KBTBD11: variants seen among roughly 807,000 people sequenced by gnomAD.
The protein encoded by KBTBD11 is kelch repeat and BTB domain-containing protein 11.
For synonymous variants in KBTBD11, 747 were observed against 499.0 expected, an observed-to-expected ratio of 1.50 and a Z score of -6.63; for missense variants, 1,390 against 1,001.8, an observed-to-expected ratio of 1.39 and a Z score of -5.23.
chr8:1,985,681 A>C (rs564163597), intron 1 of KBTBD11, among the ~76,000 whole-genome samples: 1 of 152,270 alleles, frequency 6.6e-6, no homozygotes. Context: ...TATGTTGGCC[A>C]GGTGCATTGG....
At chr8:1,974,605 A>C (rs1816259271) in intron 1 of KBTBD11, 2 of 982,992 alleles carry the variant, frequency 2.0e-6, no homozygotes, top group Admixed American at 6.2e-5. Flanking sequence ...ACCGCGACCC[A>C]CCCGCCCCAC....
At chr8:1,984,318 T>C (rs1340855220) in intron 1 of KBTBD11, among the ~76,000 whole-genome samples, 3 of 142,020 alleles carry the variant, frequency 2.1e-5, no homozygotes, top group African/African-American at 5.4e-5. Flanking sequence ...AGACAGAGTC[T>C]TGCACTTTCA....
At chr8:1,998,836 G>A (rs951318909) in intron 1 of KBTBD11, among the ~76,000 whole-genome samples, 17 of 152,230 alleles carry the variant, frequency 1.1e-4, no homozygotes, top group Admixed American at 2.0e-4. Flanking sequence ...CAGGGCTGGT[G>A]CCCTTCACCG....
At chr8:1,982,213 G>A (rs1262062826) in intron 1 of KBTBD11, among the ~76,000 whole-genome samples, 1 of 152,174 alleles carries the variant, frequency 6.6e-6, no homozygotes, top group Non-Finnish European at 1.5e-5. Context: ...GGTATTTTAT[G>A]TAAGCCTCAT....
At position 1,973,736 on chromosome 8, in the gene KBTBD11, G is replaced by T; in HGVS notation, c.-1108G>T. 1 of 983,836 alleles carries T rather than the reference G, an allele frequency of 1.0e-6. No homozygotes were observed. The highest frequency in any genetic ancestry group is 1.2e-6 in the Non-Finnish European group (1 of 829,350). The allele number at this position is 983,836 out of a possible 1,614,324, so 60.9% of individuals were successfully genotyped here. On this transcript the variant is annotated 5_prime_UTR_variant, in exon 1 of 2. Coordinates refer to ENST00000320248, the MANE Select transcript of KBTBD11 (RefSeq NM_014867.3). ...GAGCGCTGGCTCCGCGCGGCCTGGA[G>T]AGGCGGAGAGGCCTGTCCACCGCCC...
At chr8:1,984,499 G>A (rs1247490831) in intron 1 of KBTBD11, among the ~76,000 whole-genome samples, 2 of 151,998 alleles carry the variant, frequency 1.3e-5, no homozygotes, top group Admixed American at 6.6e-5. Context: ...GTGTTAGGCA[G>A]GATGGTCTCA....
Position 2,006,478 on chromosome 8 carries a change from T to C in KBTBD11, c.*3414T>C. On this transcript the variant is annotated 3_prime_UTR_variant, in exon 2 of 2. Transcript: ENST00000320248. ...TATTTCCCCTTCTGCAATGTTATTG[T>C]TCATAAGAAAACACGAGCTGAAAAT... 1 of 167,114 alleles carries C rather than the reference T, an allele frequency of 6.0e-6. No individual in the cohort carries two copies. The allele number at this position is 167,114 out of a possible 1,614,324, so 10.4% of individuals were successfully genotyped here.
rs954797361 is a variant in KBTBD11, at chr8:1,974,611, C to T, written c.-909+676C>T. 45 of 985,152 alleles carry T rather than the reference C, an allele frequency of 4.6e-5. No individual in the cohort carries two copies. In the African/African-American group the frequency reaches 5.8e-4, roughly 13 times the overall value. 61.0% of individuals were successfully genotyped at this position (985,152 alleles called of 1,614,324 possible). ...GCCCCGAGCACCGCGACCCACCCGC[C>T]CCACCGCGCCGCGGCTCCCGAGTCC... On this transcript the variant is annotated intron_variant, in intron 1 of 1. Coordinates refer to ENST00000320248, the MANE Select transcript of KBTBD11 (RefSeq NM_014867.3).
rs1321548797 is a variant in KBTBD11, at chr8:2,005,860, T to G, written c.*2796T>G. 6.0e-6 allele frequency: 1 copy of G among 167,066 alleles called. No individual in the cohort carries two copies. Among genetic ancestry groups the G allele is most frequent in the African/African-American group, 2.4e-5 (1 of 41,454 alleles). 10.3% of individuals were successfully genotyped at this position (167,066 alleles called of 1,614,324 possible). ...AAATGTTATGCATGGAAGCCTGACCTTTTGCTTAGTTGACAGCAATCCCTT... is the reference window on the plus strand; with the variant it reads ...AAATGTTATGCATGGAAGCCTGACCGTTTGCTTAGTTGACAGCAATCCCTT... On this transcript the variant is annotated 3_prime_UTR_variant, in exon 2 of 2. Coordinates refer to ENST00000320248, the MANE Select transcript of KBTBD11 (RefSeq NM_014867.3).
At chr8:1,981,637 T>C (rs1816544542) in intron 1 of KBTBD11, among the ~76,000 whole-genome samples, 2 of 152,172 alleles carry the variant, frequency 1.3e-5, no homozygotes, top group Non-Finnish European at 2.9e-5. Flanking sequence ...TACCGTCCAA[T>C]TGTCTGAGAG....
At chr8:1,995,304 A>C (rs1026201056) in intron 1 of KBTBD11, among the ~76,000 whole-genome samples, 5 of 152,066 alleles carry the variant, frequency 3.3e-5, no homozygotes, top group African/African-American at 1.2e-4. Flanking sequence ...AGGAATCCTG[A>C]AGGCAGACAC....
chr8:1,998,546 T>C (rs1310782723), intron 1 of KBTBD11, among the ~76,000 whole-genome samples: 3 of 152,332 alleles, frequency 2.0e-5, no homozygotes, highest in African/African-American at 7.2e-5. Flanking sequence ...TGGAGGCTCC[T>C]GTACATTGCA....
In KBTBD11 at chr8:2,001,022, G is replaced by C; in HGVS notation, c.-171G>C. ...GGCGAGGCGGGGGAGCAGCGTGTGA[G>C]ATTCCCCCCTTCACACACACAACAA... On this transcript the variant is annotated 5_prime_UTR_variant, in exon 2 of 2. Coordinates refer to ENST00000320248, the MANE Select transcript of KBTBD11 (RefSeq NM_014867.3). The C allele has an allele frequency of 1.1e-6, 1 of 899,656 alleles. No individual in the cohort carries two copies. The highest frequency in any genetic ancestry group is 5.5e-5 in the South Asian group (1 of 18,074). 55.7% of individuals were successfully genotyped at this position (899,656 alleles called of 1,614,324 possible). A position where few individuals can be genotyped will look rare whatever the true frequency, so the allele number is the denominator to read the frequency against.
At chr8:1,974,101 G>A (rs539384768) in intron 1 of KBTBD11, 166 bp downstream of exon 1, 209 of 131,730 alleles carry the variant, frequency 1.6e-3, no homozygotes, top group Admixed American at 2.0e-3. Flanking sequence ...GGGAGGGGAG[G>A]CCGGCAGGGG....
At chr8:1,983,767 A>T (rs562847910) in intron 1 of KBTBD11, among the ~76,000 whole-genome samples, 18 of 152,392 alleles carry the variant, frequency 1.2e-4, no homozygotes, top group Admixed American at 5.9e-4. Context: ...ATTAATTTGG[A>T]GACTGCTTGG....
intron 1 of KBTBD11, chr8:1,976,071 C>T (rs9650491): frequency 0.052 from 7,985 of 152,254 alleles, 280 homozygotes; most frequent in Middle Eastern, 0.11. Flanking sequence ...TCTGGAATCA[C>T]TTAGGCAGCT....
chr8:1,990,399 G>T (rs1403139665), intron 1 of KBTBD11, among the ~76,000 whole-genome samples: 2 of 140,738 alleles, frequency 1.4e-5, no homozygotes, highest in Admixed American at 7.1e-5. Flanking sequence ...GCCCTGTCCG[G>T]GTAGGTGCTG....
rs1235616864 is a variant in KBTBD11 at position 2,003,717 on chromosome 8, G to A, written c.*653G>A. The A allele has an allele frequency of 6.0e-6, 1 of 167,026 alleles. No homozygotes were observed. The allele number at this position is 167,026 out of a possible 1,614,324, so 10.3% of individuals were successfully genotyped here. A position where few individuals can be genotyped will look rare whatever the true frequency, so the allele number is the denominator to read the frequency against. ...ACACCATTGCTACTCAAACTCACAT[G>A]CCTAGAGCAGCTCCGTCTCACTGTT... On this transcript the variant is annotated 3_prime_UTR_variant, in exon 2 of 2. Transcript: ENST00000320248.
chr8:2,001,685 T>G lies in KBTBD11; in HGVS notation c.493T>G (p.Phe165Val), dbSNP rs1468492164. Reference protein sequence around the residue: ...KAVLAARSDYFRARASRDVLR... With the variant: ...KAVLAARSDYVRARASRDVLR... Reference sequence around the variant, plus strand: ...GGTGCTGGCGGCGCGCAGCGACTACTTCCGCGCGCGCGCGTCGCGGGACGT... The same window carrying G: ...GGTGCTGGCGGCGCGCAGCGACTACGTCCGCGCGCGCGCGTCGCGGGACGT... Residue 165 changes from phenylalanine (F) to valine (V), a missense_variant, in exon 2 of 2, where the codon TTC becomes GTC. Coordinates refer to ENST00000320248, the MANE Select transcript of KBTBD11 (RefSeq NM_014867.3). 1.4e-6 allele frequency: 2 copies of G among 1,443,090 alleles called. No individual in the cohort carries two copies. The highest frequency in any genetic ancestry group is 9.1e-7 in the Non-Finnish European group (1 of 1,103,448). The allele number at this position is 1,443,090 out of a possible 1,614,324, so 89.4% of individuals were successfully genotyped here. A position where few individuals can be genotyped will look rare whatever the true frequency, so the allele number is the denominator to read the frequency against.
Sources: gnomAD v4.1 joint callset for allele counts (sites outside exome capture counted in the v4.1 genomes callset) on GRCh38, gnomAD v4.1.1 for gene constraint, MANE v1.5 for transcripts, NCBI Gene and HGNC (gene_info 2026-07-23, HGNC 2026-07-21) for gene names.